The following CTNNA2 variants were observed in gnomAD, a reference collection of about 807,000 sequenced individuals.
CTNNA2 encodes catenin alpha 2, also known as catenin alpha-2.
Under a neutral mutation model 101.0 loss-of-function variants are expected in CTNNA2, and 42 were observed. The ratio of observed to expected loss-of-function variants is 0.42; its 90% CI spans 0.32 to 0.54. CTNNA2 has a LOEUF of 0.54. Among genes scored for constraint, CTNNA2 ranks in the 20% least tolerant of loss-of-function variants. The pLI is 0.14. For missense variants in CTNNA2, 871 were observed against 1,223.1 expected (o/e 0.71, Z 4.29); for synonymous variants, 450 against 456.4 (o/e 0.99, Z 0.18).
chr2:80,623,310 A>G (rs1382752258), intron 18 of CTNNA2, among the ~76,000 whole-genome samples: 1 of 151,924 alleles, frequency 6.6e-6, no homozygotes, highest in Non-Finnish European at 1.5e-5. Flanking sequence ...GATAGTAATC[A>G]TTTTAAAAGA....
chr2:79,919,630 A>G (rs1219573271), intron 7 of CTNNA2, among the ~76,000 whole-genome samples: 3 of 152,218 alleles, frequency 2.0e-5, no homozygotes, highest in Non-Finnish European at 2.9e-5. Flanking sequence ...AAGACCTCAC[A>G]AAATTGTCAG....
chr2:79,441,797 A>C (rs768379494), intron 4 of CTNNA2, among the ~76,000 whole-genome samples: 23 of 152,162 alleles, frequency 1.5e-4, no homozygotes, highest in Non-Finnish European at 2.9e-4. Flanking sequence ...ACTATAATAC[A>C]CATGAAAACC....
At chr2:79,547,184 A>G (rs962866103) in intron 1 of CTNNA2, 4 of 152,134 alleles carry the variant, frequency 2.6e-5, no homozygotes, top group African/African-American at 9.7e-5. Context: ...TGCAAAATAA[A>G]TGTATTACTC....
rs753550582 is a variant in CTNNA2 at position 80,545,036 on chromosome 2, C to A, written c.1345C>A (p.Arg449=). 6.2e-7 allele frequency: 1 copy of A among 1,614,036 alleles called. No homozygotes were observed. The highest frequency in any genetic ancestry group is 1.1e-5 in the South Asian group (1 of 91,078). Reference sequence around the variant, plus strand: ...CAATGAAGAAGGGGTGAAATTAGTTCGGATGGCAGCCACCCAGATTGACAG... The same window carrying A: ...CAATGAAGAAGGGGTGAAATTAGTTAGGATGGCAGCCACCCAGATTGACAG... ...SNNEEGVKLV[R]MAATQIDSLC... is the part of the protein sequence containing the mutation. The change falls in exon 10 of 19, where the codon CGG becomes AGG. Residue 449 remains arginine, a synonymous_variant. Transcript: ENST00000402739.
At position 80,351,177 on chromosome 2, in the gene CTNNA2, C is replaced by T. The variant is rs372016337; in HGVS notation, c.1057-42034C>T. Among the ~76,000 whole-genome samples, 23 of 152,174 alleles carry T rather than the reference C, an allele frequency of 1.5e-4. 1 individual carries two copies. Among genetic ancestry groups the T allele is most frequent in the African/African-American group, 4.8e-4 (20 of 41,546 alleles). On this transcript the variant is annotated intron_variant, in intron 7 of 18. Coordinates refer to ENST00000402739, the MANE Select transcript of CTNNA2 (RefSeq NM_001282597.3). ...AGGTTAAAAATGAAACACATACACA[C>T]GCACAGACATACATTCCAGTTGCAA... is the stretch of plus-strand genomic sequence containing the variant.
intron 7 of CTNNA2, among the ~76,000 whole-genome samples, chr2:79,966,472 T>C (rs1690069581): frequency 6.6e-6 from 1 of 152,138 alleles, no homozygotes; most frequent in Admixed American, 6.5e-5. Context: ...TTGGGCTCCA[T>C]TGATCCTCCC....
rs192352539 is a variant in CTNNA2 at position 79,452,094 on chromosome 2, C to T, written c.-134-52960C>T. ...ACACATTTCATCTTTATTTTTCTGG[C>T]TACTTAACAACATTAAATTAGTTTG... On this transcript the variant is annotated intron_variant, in intron 4 of 21. Transcript: ENST00000466387. Among the ~76,000 whole-genome samples, 77 of 152,200 alleles carry T rather than the reference C, an allele frequency of 5.1e-4. 1 individual carries two copies. The highest frequency in any genetic ancestry group is 2.7e-3 in the Admixed American group (41 of 15,274).
intron 7 of CTNNA2, among the ~76,000 whole-genome samples, chr2:80,093,432 C>A (rs1351876663): frequency 6.6e-6 from 1 of 152,126 alleles, no homozygotes; most frequent in African/African-American, 2.4e-5. Flanking sequence ...GGTTCCAAGT[C>A]TTTGCTATTG....
In CTNNA2 at chr2:79,685,305, A is replaced by G. The variant is rs140831648; in HGVS notation, c.102+33647A>G. Among the ~76,000 whole-genome samples the G allele has an allele frequency of 9.4e-3, 1,436 of 152,336 alleles. 23 individuals carry two copies. The highest frequency in any genetic ancestry group is 0.032 in the African/African-American group (1,322 of 41,574). On this transcript the variant is annotated intron_variant, in intron 2 of 18. Coordinates refer to ENST00000402739, the MANE Select transcript of CTNNA2 (RefSeq NM_001282597.3). The stretch of plus-strand genomic sequence containing the variant: ...AATCGTGCCTGGCTTTATGGAATTT[A>G]TAGTCCAGTAATAGATACATATAAG...
At chr2:80,149,459 A>C (rs2148925149) in intron 7 of CTNNA2, among the ~76,000 whole-genome samples, 1 of 152,292 alleles carries the variant, frequency 6.6e-6, no homozygotes, top group South Asian at 2.1e-4. Context: ...TCCATTTAAC[A>C]GGGCTCAGCC....
At chr2:80,105,773 C>T (rs552426227) in intron 7 of CTNNA2, among the ~76,000 whole-genome samples, 2 of 152,076 alleles carry the variant, frequency 1.3e-5, no homozygotes, top group African/African-American at 4.8e-5. Flanking sequence ...ATCTAGAAAC[C>T]AGAATTATAA....
intron 3 of CTNNA2, among the ~76,000 whole-genome samples, chr2:79,805,916 C>T (rs549527452): frequency 7.1e-4 from 105 of 148,102 alleles, no homozygotes; most frequent in African/African-American, 9.5e-4. Context: ...TCGGCCTGGG[C>T]GACAGAGCAA....
At chr2:80,092,606 C>T (rs1331893684) in intron 7 of CTNNA2, among the ~76,000 whole-genome samples, 1 of 152,122 alleles carries the variant, frequency 6.6e-6, no homozygotes, top group Non-Finnish European at 1.5e-5. Flanking sequence ...CCTTTTTCAA[C>T]ATAGAAGACT....
At chr2:79,447,527 A>AG (rs1190087822) in intron 4 of CTNNA2, among the ~76,000 whole-genome samples, 1 of 152,044 alleles carries the variant, frequency 6.6e-6, no homozygotes, top group East Asian at 1.9e-4. Flanking sequence ...AATGTACTGG[A>AG]GATCTAAAGT....
chr2:79,677,414 C>T (rs1174933154), intron 2 of CTNNA2, among the ~76,000 whole-genome samples: 1 of 152,072 alleles, frequency 6.6e-6, no homozygotes, highest in Non-Finnish European at 1.5e-5. Context: ...CTGCTAAAGC[C>T]GTCCTAATCT....
intron 3 of CTNNA2, among the ~76,000 whole-genome samples, chr2:79,841,476 T>G (rs1679806257): frequency 6.6e-6 from 1 of 152,238 alleles, no homozygotes; most frequent in African/African-American, 2.4e-5. Flanking sequence ...AAATGATATC[T>G]AATTTTTAAG....
chr2:80,460,925 A>G (rs922365326), intron 9 of CTNNA2, among the ~76,000 whole-genome samples: 2 of 152,184 alleles, frequency 1.3e-5, no homozygotes, highest in Non-Finnish European at 2.9e-5. Flanking sequence ...TTTTTTGTCA[A>G]TATCACATTT....
intron 12 of CTNNA2, among the ~76,000 whole-genome samples, chr2:80,571,828 G>C (rs1029956193): frequency 6.6e-6 from 1 of 152,140 alleles, no homozygotes; most frequent in African/African-American, 2.4e-5. Flanking sequence ...CTGGGGTAGA[G>C]CCTGTAGACA....
At chr2:80,106,229 GT>G (rs1313793829) in intron 7 of CTNNA2, among the ~76,000 whole-genome samples, 2 of 152,144 alleles carry the variant, frequency 1.3e-5, no homozygotes, top group Admixed American at 1.3e-4. Context: ...TTCTCCCTGG[GT>G]TTGGAGGTTA....
Sources: allele counts gnomAD v4.1 joint callset (sites outside exome capture counted in the v4.1 genomes callset), GRCh38; gene constraint gnomAD v4.1.1; transcripts MANE v1.5; gene names NCBI Gene and HGNC (gene_info 2026-07-23, HGNC 2026-07-21).